Variants in RASA1 observed in about 807,000 individuals in gnomAD.
RASA1 encodes RAS p21 protein activator 1.
Under a neutral mutation model 132.2 loss-of-function variants are expected in RASA1, and 25 were observed. The observed-to-expected ratio is 0.19, with a 90% CI of 0.14 to 0.26. The LOEUF is 0.26. Ranked by LOEUF, RASA1 falls within the 10% of genes least tolerant of loss-of-function variation. The pLI is 1.00. For missense variants in RASA1, 964 were observed against 1,299.2 expected, an observed-to-expected ratio of 0.74 and a Z score of 3.97; for synonymous variants, 477 against 449.9, an observed-to-expected ratio of 1.06 and a Z score of -0.76.
chr5:87,291,195 C>G (rs1272568866), intron 1 of RASA1, among the ~76,000 whole-genome samples: 2 of 152,106 alleles, frequency 1.3e-5, no homozygotes, highest in African/African-American at 2.4e-5. Context: ...TTTCTAATCA[C>G]ATATGATGAT....
At chr5:87,335,762 C>T (rs1757932445) in intron 4 of RASA1, among the ~76,000 whole-genome samples, 1 of 152,104 alleles carries the variant, frequency 6.6e-6, no homozygotes, top group African/African-American at 2.4e-5. Flanking sequence ...AATGTGTTAA[C>T]AACTAGAAGA....
intron 1 of RASA1, among the ~76,000 whole-genome samples, chr5:87,275,932 T>C (rs376847073): frequency 6.6e-5 from 10 of 152,220 alleles, no homozygotes; most frequent in African/African-American, 2.2e-4. Context: ...CAAGCCCTAG[T>C]GTGCCGGTAT....
At chr5:87,336,022 T>C (rs1463105443) in intron 4 of RASA1, among the ~76,000 whole-genome samples, 2 of 152,204 alleles carry the variant, frequency 1.3e-5, no homozygotes, top group African/African-American at 4.8e-5. Flanking sequence ...AAAATACTTA[T>C]CCTTTTCACA....
intron 9 of RASA1, among the ~76,000 whole-genome samples, chr5:87,359,130 C>T (rs1214939375): frequency 6.6e-6 from 1 of 152,156 alleles, no homozygotes; most frequent in Non-Finnish European, 1.5e-5. Flanking sequence ...TCAAGAACTA[C>T]AACAGTGCCT....
At chr5:87,339,767 T>C (rs1758304604) in intron 5 of RASA1, among the ~76,000 whole-genome samples, 1 of 152,144 alleles carries the variant, frequency 6.6e-6, no homozygotes, top group Admixed American at 6.5e-5. Context: ...ACATTATAAA[T>C]TAATAGTGGA....
At chr5:87,383,850 C>A in intron 21 of RASA1, 70 bp downstream of exon 21, 45 of 1,170,942 alleles carry the variant, frequency 3.8e-5, no homozygotes, top group Non-Finnish European at 5.2e-5. Context: ...TTTAAGAATA[C>A]TCTTAAATCT....
At chr5:87,353,289 TTGG>T in intron 9 of RASA1, 54 bp downstream of exon 9, 2 of 1,400,108 alleles carry the variant, frequency 1.4e-6, no homozygotes, top group Non-Finnish European at 1.0e-6. Flanking sequence ...AAAATGCATT[TTGG>T]TGGTATGTTT....
chr5:87,281,597 T>G (rs1360325315), intron 1 of RASA1, among the ~76,000 whole-genome samples: 3 of 152,004 alleles, frequency 2.0e-5, no homozygotes, highest in Admixed American at 6.6e-5. Context: ...TTTTGTTTTT[T>G]TGAGACGGAG....
At chr5:87,319,237 T>A (rs1756590186) in intron 1 of RASA1, among the ~76,000 whole-genome samples, 1 of 152,214 alleles carries the variant, frequency 6.6e-6, no homozygotes, top group Non-Finnish European at 1.5e-5. Flanking sequence ...TGTCAGTGGA[T>A]CTACCCTTGT....
intron 1 of RASA1, among the ~76,000 whole-genome samples, chr5:87,304,023 A>G (rs185209320): frequency 3.3e-5 from 5 of 151,966 alleles, no homozygotes; most frequent in African/African-American, 9.7e-5. Context: ...TAGTAGAGAC[A>G]GAGTTTCACC....
intron 1 of RASA1, among the ~76,000 whole-genome samples, chr5:87,295,253 G>T (rs1013998185): frequency 1.3e-5 from 2 of 151,940 alleles, no homozygotes; most frequent in South Asian, 2.1e-4. Context: ...TGAGTTTCTT[G>T]TTCATATAGT....
intron 1 of RASA1, among the ~76,000 whole-genome samples, chr5:87,287,330 T>A (rs1338604273): frequency 6.8e-6 from 1 of 146,008 alleles, no homozygotes; most frequent in Non-Finnish European, 1.5e-5. Context: ...ACACCATATA[T>A]ACACACCATA....
chr5:87,284,710 TTTGTGTTTGG>T (rs1266897132), intron 1 of RASA1, among the ~76,000 whole-genome samples: 1 of 152,180 alleles, frequency 6.6e-6, no homozygotes, highest in Non-Finnish European at 1.5e-5. Context: ...TTTGTATTTG[TTTGTGTTTGG>T]TTAGCACATA....
intron 1 of RASA1, among the ~76,000 whole-genome samples, chr5:87,317,231 C>T (rs1363532215): frequency 2.0e-5 from 3 of 152,144 alleles, no homozygotes; most frequent in Non-Finnish European, 2.9e-5. Context: ...TTACATGGTG[C>T]TCTTATTGCA....
At chr5:87,372,987 A>T (rs1337212967) in intron 13 of RASA1, among the ~76,000 whole-genome samples, 1 of 152,184 alleles carries the variant, frequency 6.6e-6, no homozygotes, top group African/African-American at 2.4e-5. Flanking sequence ...TTAAGTATAC[A>T]CACAATCGCC....
At chr5:87,310,285 C>G (rs1755815087) in intron 1 of RASA1, among the ~76,000 whole-genome samples, 1 of 151,988 alleles carries the variant, frequency 6.6e-6, no homozygotes, top group African/African-American at 2.4e-5. Context: ...ATGTGTGATT[C>G]ATCTAAAGAA....
At chr5:87,305,014 T>C (rs866199229) in intron 1 of RASA1, among the ~76,000 whole-genome samples, 26 of 151,528 alleles carry the variant, frequency 1.7e-4, no homozygotes, top group African/African-American at 3.6e-4. Flanking sequence ...AATGTACTTG[T>C]TTTTGTTTTT....
At position 87,389,386 on chromosome 5, in the gene RASA1, C is replaced by A. The variant is rs1273795558; in HGVS notation, c.2926-7C>A. 6.2e-7 allele frequency: 1 copy of A among 1,613,916 alleles called. No individual in the cohort carries two copies. Among genetic ancestry groups the A allele is most frequent in the South Asian group, 1.1e-5 (1 of 91,068 alleles). On this transcript the variant is annotated splice_polypyrimidine_tract_variant and splice_region_variant and intron_variant, in intron 23 of 24. Transcript: ENST00000274376. ...TTTCTAAATGCAATTTTACGATTCC[C>A]TTAAAGAATGTACCTGAACTTCCGG... is the stretch of plus-strand genomic sequence containing the variant.
At chr5:87,305,392 A>G (rs73156351) in intron 1 of RASA1, among the ~76,000 whole-genome samples, 3,326 of 152,260 alleles carry the variant, frequency 0.022, 121 homozygotes, top group African/African-American at 0.076. Flanking sequence ...AAAACAAGCA[A>G]TGGGGAAAGG....
Sources: gnomAD v4.1 joint callset for allele counts (sites outside exome capture counted in the v4.1 genomes callset) on GRCh38, gnomAD v4.1.1 for gene constraint, MANE v1.5 for transcripts, NCBI Gene and HGNC (gene_info 2026-07-23, HGNC 2026-07-21) for gene names.